TP53AIP1: variants seen among roughly 807,000 people sequenced by gnomAD.
TP53AIP1 encodes tumor protein p53 regulated apoptosis inducing protein 1.
A neutral mutation model predicts 9.5 loss-of-function variants in TP53AIP1; 14 were observed. The observed-to-expected ratio is 1.47, with a 90% confidence interval of 0.97 to 2.30. The LOEUF (loss-of-function observed/expected upper bound fraction) is 2.30. Among genes scored for constraint, TP53AIP1 ranks in the 30% most tolerant of loss-of-function variants. TP53AIP1 has a pLI of 0.00. For missense variants in TP53AIP1, 153 were observed against 146.7 expected (o/e 1.04, Z -0.22); for synonymous variants, 73 against 61.2 (o/e 1.19, Z -0.90).
Position 128,935,715 on chromosome 11 carries a change from C to T in TP53AIP1, c.254-3G>A, listed in dbSNP as rs1944808471. ...CCTGGAGAGACCTAGACCAAGGCCT[C>T]AGTAGGGAGGGAGAGAATTTACTCT... On this transcript the variant is annotated splice_polypyrimidine_tract_variant and splice_region_variant and intron_variant, in intron 3 of 3. Transcript: ENST00000531399. 1.9e-6 allele frequency: 3 copies of T among 1,563,584 alleles called. No individual in the cohort carries two copies. Among genetic ancestry groups the T allele is most frequent in the Middle Eastern group, 1.7e-4 (1 of 6,012 alleles).
intron 1 of TP53AIP1, among the ~76,000 whole-genome samples, chr11:128,942,315 A>C (rs1347154334): frequency 6.6e-6 from 1 of 152,176 alleles, no homozygotes; most frequent in African/African-American, 2.4e-5. Flanking sequence ...GGCCCTGCTC[A>C]GTGTCCATGA....
At chr11:128,934,799 C>T, downstream of TP53AIP1, 6 of 552,238 alleles carry the variant, frequency 1.1e-5, no homozygotes, top group Non-Finnish European at 1.9e-5. Flanking sequence ...AGAGAGAGAC[C>T]CACAGGGAAG....
chr11:128,941,532 C>T (rs942331199), intron 1 of TP53AIP1, among the ~76,000 whole-genome samples: 2 of 152,256 alleles, frequency 1.3e-5, no homozygotes, highest in East Asian at 1.9e-4. Flanking sequence ...GATAATGCCC[C>T]TGGGCCCTGT....
At position 128,935,588 on chromosome 11, in the gene TP53AIP1, G is replaced by A. The variant is rs767621847; in HGVS notation, c.*3C>T. The A allele has an allele frequency of 2.1e-5, 33 of 1,559,992 alleles. No individual in the cohort carries two copies. The highest frequency in any genetic ancestry group is 1.9e-4 in the Middle Eastern group (1 of 5,388). ...GGCTGGAGTGCAGTGGCGTGATCTC[G>A]GCTCACTGCAACCTCAACGGTGCTT... On this transcript the variant is annotated 3_prime_UTR_variant, in exon 4 of 4. Coordinates refer to ENST00000531399, the MANE Select transcript of TP53AIP1 (RefSeq NM_022112.3).
At position 128,935,528 on chromosome 11, in the gene TP53AIP1, T is replaced by TTG. The variant is rs201802635; in HGVS notation, c.*62_*63insCA. 1.1e-5 allele frequency: 16 copies of TTG among 1,510,704 alleles called. No homozygotes were observed. The highest frequency in any genetic ancestry group is 2.3e-4 in the Middle Eastern group (1 of 4,408). 93.6% of individuals were successfully genotyped at this position (1,510,704 alleles called of 1,614,324 possible). A position where few individuals can be genotyped will look rare whatever the true frequency, so the allele number is the denominator to read the frequency against. On this transcript the variant is annotated 3_prime_UTR_variant, in exon 4 of 4. Coordinates refer to ENST00000531399, the MANE Select transcript of TP53AIP1 (RefSeq NM_022112.3). ...CGGTGCTTTCTGTTTGTTTGTTTGTTTTTGTTTTGAGATGGAGTCTCTCTC... is the reference window on the plus strand; with the variant it reads ...CGGTGCTTTCTGTTTGTTTGTTTGTTTGTTTGTTTTGAGATGGAGTCTCTCTC...
downstream of TP53AIP1, chr11:128,934,957 A>G: frequency 4.3e-6 from 3 of 702,050 alleles, no homozygotes; most frequent in Non-Finnish European, 7.8e-6. Context: ...CTTTTCCCCC[A>G]TTGGTTAAGG....
At chr11:128,941,695 C>T (rs1184230734) in intron 1 of TP53AIP1, among the ~76,000 whole-genome samples, 2 of 152,210 alleles carry the variant, frequency 1.3e-5, no homozygotes, top group Non-Finnish European at 1.5e-5. Flanking sequence ...AATAATTAGT[C>T]CCAGCCCAGG....
intron 3 of TP53AIP1, 21 bp from the exon 4 acceptor site, chr11:128,935,733 T>C (rs1024205353): frequency 6.5e-7 from 1 of 1,537,300 alleles, no homozygotes; most frequent in African/African-American, 1.4e-5. Flanking sequence ...AGGGAGAGAA[T>C]TTACTCTTTG....
chr11:128,935,525 T>TGTTTG lies in TP53AIP1; in HGVS notation c.*65_*66insCAAAC. On this transcript the variant is annotated 3_prime_UTR_variant, in exon 4 of 4. Transcript: ENST00000531399. ...CGACGGTGCTTTCTGTTTGTTTGTT[T>TGTTTG]GTTTTTGTTTTGAGATGGAGTCTCT... The TGTTTG allele has an allele frequency of 6.6e-7, 1 of 1,513,900 alleles. No homozygotes were observed. The highest frequency in any genetic ancestry group is 1.2e-5 in the South Asian group (1 of 80,708). 93.8% of individuals were successfully genotyped at this position (1,513,900 alleles called of 1,614,324 possible).
chr11:128,936,741 T>C (rs1024658435), intron 2 of TP53AIP1, 92 bp from the exon 3 acceptor site: 99 of 1,474,660 alleles, frequency 6.7e-5, no homozygotes, highest in Non-Finnish European at 8.5e-5. Context: ...TAGGTATTCA[T>C]GGCATCCAGG....
In TP53AIP1 at chr11:128,936,890, C is replaced by A. The variant is rs1328972407; in HGVS notation, c.142-241G>T. 4 of 1,321,566 alleles carry A rather than the reference C, an allele frequency of 3.0e-6. No homozygotes were observed. In the East Asian group the frequency reaches 1.2e-4, roughly 41 times the overall value. 81.9% of individuals were successfully genotyped at this position (1,321,566 alleles called of 1,614,324 possible). A position where few individuals can be genotyped will look rare whatever the true frequency, so the allele number is the denominator to read the frequency against. ...ACAAAGACAGAGACAGCAAATCAGC[C>A]CAAAGAACAGACATAAACCGGCGCT... On this transcript the variant is annotated intron_variant, in intron 2 of 3. Transcript: ENST00000531399.
At position 128,939,631 on chromosome 11, in the gene TP53AIP1, T is replaced by A. The variant is rs1944902699; in HGVS notation, c.-76-1737A>T. On this transcript the variant is annotated intron_variant, in intron 1 of 3. Coordinates refer to ENST00000531399, the MANE Select transcript of TP53AIP1 (RefSeq NM_022112.3). This position sits in a 1 kb window ranked among gnomAD's most constrained non-coding sequence, Gnocchi z 4.1. ...TACTGTCCAGACAGAACAAAAGGGATCCCCTTTCCAACCCGAAACTGTCGG... is the reference window on the plus strand; with the variant it reads ...TACTGTCCAGACAGAACAAAAGGGAACCCCTTTCCAACCCGAAACTGTCGG... Among the ~76,000 whole-genome samples the A allele has an allele frequency of 6.6e-6, 1 of 152,124 alleles. No individual in the cohort carries two copies.
Position 128,937,146 on chromosome 11 carries a change from C to T in TP53AIP1, c.142-497G>A. The T allele has an allele frequency of 9.2e-7, 1 of 1,087,496 alleles. No homozygotes were observed. Among genetic ancestry groups the T allele is most frequent in the Non-Finnish European group, 1.1e-6 (1 of 894,670 alleles). The allele number at this position is 1,087,496 out of a possible 1,614,324, so 67.4% of individuals were successfully genotyped here. A position where few individuals can be genotyped will look rare whatever the true frequency, so the allele number is the denominator to read the frequency against. ...ATGGCCCCTGCATCCTTACCCCCTC[C>T]TCAGAGCCCACAAGCTTCCGAGTGC... On this transcript the variant is annotated intron_variant, in intron 2 of 3. Coordinates refer to ENST00000531399, the MANE Select transcript of TP53AIP1 (RefSeq NM_022112.3). This position sits in a 1 kb window ranked among gnomAD's most constrained non-coding sequence, Gnocchi z 4.8.
chr11:128,936,651 T>C lies in TP53AIP1; in HGVS notation c.142-2A>G, dbSNP rs1477420224. 4.1e-5 allele frequency: 65 copies of C among 1,576,334 alleles called. No homozygotes were observed. Among genetic ancestry groups the C allele is most frequent in the Non-Finnish European group, 5.1e-5 (60 of 1,169,272 alleles). On this transcript the variant is annotated splice_acceptor_variant, in intron 2 of 3. Transcript: ENST00000531399. LOFTEE classifies it high-confidence loss of function. ...ACCCAAAACTAAGGGATCTGAAACCTGAGAGGAAATGGAAGCAGACTGTGA... is the reference window on the plus strand; with the variant it reads ...ACCCAAAACTAAGGGATCTGAAACCCGAGAGGAAATGGAAGCAGACTGTGA...
In TP53AIP1 at chr11:128,937,951, C is replaced by A; in HGVS notation, c.-76-57G>T. 1.0e-6 allele frequency: 1 copy of A among 974,734 alleles called. No homozygotes were observed. The highest frequency in any genetic ancestry group is 1.5e-6 in the Non-Finnish European group (1 of 674,326). 60.4% of individuals were successfully genotyped at this position (974,734 alleles called of 1,614,324 possible). A position where few individuals can be genotyped will look rare whatever the true frequency, so the allele number is the denominator to read the frequency against. ...AGCAGTGGTGGCAGCGCTGGGCCAG[C>A]AATGATGATTTCTACTGTTAGGGTT... On this transcript the variant is annotated intron_variant, in intron 1 of 3. Coordinates refer to ENST00000531399, the MANE Select transcript of TP53AIP1 (RefSeq NM_022112.3). The surrounding 1 kb of genome is among the most constrained non-coding windows in gnomAD (Gnocchi z 4.8).
chr11:128,934,828 G>T (rs944495639), downstream of TP53AIP1: 7 of 585,166 alleles, frequency 1.2e-5, no homozygotes, highest in Admixed American at 2.8e-5. Context: ...GCCAGTGCAG[G>T]TTGTGGCATC....
intron 1 of TP53AIP1, 109 bp from the exon 2 acceptor site, chr11:128,938,003 G>T: frequency 4.4e-6 from 3 of 680,990 alleles, no homozygotes; most frequent in Non-Finnish European, 7.2e-6. Flanking sequence ...CTGGGAGGGG[G>T]AAGCCGATGC....
intron 1 of TP53AIP1, among the ~76,000 whole-genome samples, chr11:128,938,369 C>T (rs1036572185): frequency 4.6e-5 from 7 of 152,114 alleles, no homozygotes; most frequent in East Asian, 1.9e-4. Flanking sequence ...ACTCCACATC[C>T]GTGTGGAGTC....
intron 3 of TP53AIP1, 138 bp from the exon 4 acceptor site, chr11:128,935,850 C>T (rs559176883): frequency 7.4e-7 from 1 of 1,359,176 alleles, no homozygotes; most frequent in African/African-American, 1.5e-5. Flanking sequence ...CATTGTAAGG[C>T]ACATCATTAT....
Sources: allele counts gnomAD v4.1 joint callset (sites outside exome capture counted in the v4.1 genomes callset), GRCh38; gene constraint gnomAD v4.1.1; non-coding constraint Gnocchi (gnomAD v3.1); transcripts MANE v1.5; gene names NCBI Gene and HGNC (gene_info 2026-07-23, HGNC 2026-07-21).